Variants in NUDCD3 observed in about 807,000 individuals in gnomAD.
The protein encoded by NUDCD3 is NudC domain containing 3, also known as nudC domain-containing protein 3.
NUDCD3 carries 13 observed loss-of-function variants against 39.7 expected under a neutral mutation model. The ratio of observed to expected loss-of-function variants is 0.33; its 90% CI spans 0.21 to 0.52. The LOEUF (loss-of-function observed/expected upper bound fraction) is 0.52. Ranked by LOEUF, NUDCD3 falls within the 20% of genes least tolerant of loss-of-function variation. The probability of loss-of-function intolerance (pLI) is 0.96; values close to 1 mark genes in which losing one functional copy is unlikely to be tolerated. For missense variants in NUDCD3, 453 were observed against 458.1 expected (o/e 0.99, Z 0.10); for synonymous variants, 175 against 172.4 (o/e 1.02, Z -0.12).
chr7:44,409,274 T>C (rs1450882698), intron 3 of NUDCD3, among the ~76,000 whole-genome samples: 1 of 152,112 alleles, frequency 6.6e-6, no homozygotes, highest in Non-Finnish European at 1.5e-5. Context: ...GGCCAAGCAA[T>C]GAAGGTATGC....
At chr7:44,475,019 T>C (rs1800334403) in intron 2 of NUDCD3, among the ~76,000 whole-genome samples, 1 of 152,132 alleles carries the variant, frequency 6.6e-6, no homozygotes, top group African/African-American at 2.4e-5. Context: ...CATTATTCTC[T>C]CTCAGTGCAT....
chr7:44,396,589 C>T (rs1030377495), intron 4 of NUDCD3, among the ~76,000 whole-genome samples: 4 of 152,172 alleles, frequency 2.6e-5, no homozygotes, highest in African/African-American at 4.8e-5. Flanking sequence ...AAACTCCAGA[C>T]CTTTTTTTTT....
chr7:44,418,574 A>G (rs756851419), intron 3 of NUDCD3, among the ~76,000 whole-genome samples: 9 of 152,178 alleles, frequency 5.9e-5, no homozygotes, highest in Non-Finnish European at 1.0e-4. Flanking sequence ...TGATTCAGTA[A>G]CTTCTCTCAG....
Position 44,397,959 on chromosome 7 carries a change from G to A in NUDCD3, c.787-5474C>T, listed in dbSNP as rs558939360. Among the ~76,000 whole-genome samples the A allele has an allele frequency of 2.6e-5, 4 of 152,134 alleles. No individual in the cohort carries two copies. The South Asian group carries it at 8.3e-4, about 32-fold the overall frequency. The stretch of plus-strand genomic sequence containing the variant: ...CCCTGACATCTCCTGATTAACTCAT[G>A]TGTGCACACCCAGCTGGACACACAT... On this transcript the variant is annotated intron_variant, in intron 4 of 5. Coordinates refer to ENST00000355451, the MANE Select transcript of NUDCD3 (RefSeq NM_015332.4).
chr7:44,446,776 A>T (rs1393299272), intron 2 of NUDCD3, among the ~76,000 whole-genome samples: 1 of 152,190 alleles, frequency 6.6e-6, no homozygotes, highest in Non-Finnish European at 1.5e-5. Context: ...CTAATGTGTA[A>T]ATTAGCAATC....
At chr7:44,403,987 C>T (rs974038949) in intron 4 of NUDCD3, among the ~76,000 whole-genome samples, 6 of 152,158 alleles carry the variant, frequency 3.9e-5, no homozygotes, top group Non-Finnish European at 7.4e-5. Context: ...AATTTGTGAG[C>T]GAGTCTGCTA....
chr7:44,411,236 T>C (rs1402069426), intron 3 of NUDCD3, among the ~76,000 whole-genome samples: 2 of 152,130 alleles, frequency 1.3e-5, no homozygotes, highest in Non-Finnish European at 2.9e-5. Context: ...GCAACGGGTT[T>C]TAGATATAAC....
intron 2 of NUDCD3, among the ~76,000 whole-genome samples, chr7:44,437,870 C>T (rs1315843027): frequency 2.0e-5 from 3 of 151,962 alleles, no homozygotes; most frequent in African/African-American, 7.3e-5. Flanking sequence ...CCAACATCAA[C>T]AAAAATCAGT....
At chr7:44,473,536 T>C (rs1469332997) in intron 2 of NUDCD3, among the ~76,000 whole-genome samples, 1 of 152,162 alleles carries the variant, frequency 6.6e-6, no homozygotes, top group African/African-American at 2.4e-5. Context: ...CACAGCACAT[T>C]CCAGGGATAT....
At chr7:44,409,250 GT>G (rs1798879673) in intron 3 of NUDCD3, among the ~76,000 whole-genome samples, 1 of 152,166 alleles carries the variant, frequency 6.6e-6, no homozygotes, top group African/African-American at 2.4e-5. Context: ...GGCTAAGGCA[GT>G]TTTTAACTGT....
rs183689388 is a variant in NUDCD3, at chr7:44,432,012, C to A, written c.510-4309G>T. Among the ~76,000 whole-genome samples, 742 of 152,256 alleles carry A rather than the reference C, an allele frequency of 4.9e-3. 6 individuals carry two copies. The highest frequency in any genetic ancestry group is 6.4e-3 in the Non-Finnish European group (434 of 68,010). ...TTAAAAACCACAGGATTAGGCTAGGCTCACACTTGCAATCAATCTCAGCGA... is the reference window on the plus strand; with the variant it reads ...TTAAAAACCACAGGATTAGGCTAGGATCACACTTGCAATCAATCTCAGCGA... On this transcript the variant is annotated intron_variant, in intron 2 of 5. Transcript: ENST00000355451.
Position 44,427,692 on chromosome 7 carries a change from TG to T in NUDCD3, c.520del (p.Gln174SerfsTer37). ...GTAACTGTCGGGATTTTTCTGGAAC[TG>T]CTCCTGAATCCTGAGAAAGAATAAA... ...EPPILPRIQE[Q>X]FQKNPDSYNG... On this transcript the variant is annotated frameshift_variant, in exon 3 of 6. Coordinates refer to ENST00000355451, the MANE Select transcript of NUDCD3 (RefSeq NM_015332.4). LOFTEE classifies it high-confidence loss of function. 1 of 1,614,068 alleles carries T rather than the reference TG, an allele frequency of 6.2e-7. No homozygotes were observed. The highest frequency in any genetic ancestry group is 8.5e-7 in the Non-Finnish European group (1 of 1,180,002).
rs536786470 is a variant in NUDCD3, at chr7:44,388,835, C to T, written c.976-2714G>A. Among the ~76,000 whole-genome samples, 3 of 152,360 alleles carry T rather than the reference C, an allele frequency of 2.0e-5. No individual in the cohort carries two copies. In the East Asian group the frequency reaches 5.8e-4, roughly 29 times the overall value. On this transcript the variant is annotated intron_variant, in intron 5 of 5. Coordinates refer to ENST00000355451, the MANE Select transcript of NUDCD3 (RefSeq NM_015332.4). ...CTTTACTCTGGGGAGGGACACACAT[C>T]CTCTCAAGGGTCAGGATGCTGCCCC...
intron 2 of NUDCD3, among the ~76,000 whole-genome samples, chr7:44,451,278 A>G (rs1799789410): frequency 6.6e-6 from 1 of 152,232 alleles, no homozygotes; most frequent in Non-Finnish European, 1.5e-5. Flanking sequence ...GTACCCAGAG[A>G]GTCAGATTCA....
intron 2 of NUDCD3, among the ~76,000 whole-genome samples, chr7:44,437,713 C>G (rs1183619183): frequency 6.6e-6 from 1 of 152,118 alleles, no homozygotes; most frequent in Non-Finnish European, 1.5e-5. Context: ...TTTGTAGCTA[C>G]AGTTAAAAAG....
intron 3 of NUDCD3, 112 bp from the exon 4 acceptor site, chr7:44,404,695 T>TAGTGTG: frequency 9.2e-7 from 1 of 1,090,316 alleles, no homozygotes; most frequent in Non-Finnish European, 1.3e-6. Flanking sequence ...TACAGCGCTG[T>TAGTGTG]CATCAGGCTC....
intron 4 of NUDCD3, chr7:44,402,701 G>C: frequency 2.2e-6 from 1 of 456,662 alleles, no homozygotes; most frequent in South Asian, 1.5e-5. Context: ...TCCATGATCT[G>C]CACTGAGTTC....
chr7:44,450,965 T>G (rs1235292261), intron 2 of NUDCD3, among the ~76,000 whole-genome samples: 1 of 152,194 alleles, frequency 6.6e-6, no homozygotes, highest in African/African-American at 2.4e-5. Context: ...ATAACACGGT[T>G]GAACCTAAAA....
intron 2 of NUDCD3, among the ~76,000 whole-genome samples, chr7:44,438,567 ACC>A (rs571318022): frequency 7.1e-6 from 1 of 141,436 alleles, no homozygotes; most frequent in Non-Finnish European, 1.5e-5. Flanking sequence ...CCTAATCAAG[ACC>A]CCCCCACCCC....
Sources: allele counts gnomAD v4.1 joint callset (sites outside exome capture counted in the v4.1 genomes callset), GRCh38; gene constraint gnomAD v4.1.1; transcripts MANE v1.5; gene names NCBI Gene and HGNC (gene_info 2026-07-23, HGNC 2026-07-21).